The following IGSF23 variants were observed in gnomAD, a reference collection of about 807,000 sequenced individuals.
The protein encoded by IGSF23 is immunoglobulin superfamily member 23, also known as immunoglobulin superfamily, member 23.
Under a neutral mutation model 17.8 loss-of-function variants are expected in IGSF23, and 14 were observed. The observed-to-expected ratio is 0.79, with a 90% CI of 0.52 to 1.23. The LOEUF (loss-of-function observed/expected upper bound fraction) is 1.23. Ranked by LOEUF, IGSF23 falls within the 50% of genes most tolerant of loss-of-function variation. The probability of loss-of-function intolerance (pLI) is 0.00; values close to 1 mark genes in which losing one functional copy is unlikely to be tolerated. For synonymous variants in IGSF23, 85 were observed against 92.5 expected (o/e 0.92, Z 0.46); for missense variants, 214 against 241.7 (o/e 0.89, Z 0.76).
At chr19:44,629,126 C>G (rs920909568) in intron 3 of IGSF23, among the ~76,000 whole-genome samples, 1 of 152,150 alleles carries the variant, frequency 6.6e-6, no homozygotes, top group East Asian at 1.9e-4. Context: ...TTGCATAAGG[C>G]CTTGTAGGCT....
intron 1 of IGSF23, among the ~76,000 whole-genome samples, chr19:44,615,145 C>T (rs559817070): frequency 4.6e-5 from 7 of 151,638 alleles, no homozygotes; most frequent in African/African-American, 1.5e-4. Flanking sequence ...AAAAATTAGC[C>T]AGGCCTGGTG....
At chr19:44,620,142 G>A (rs1462951045) in intron 1 of IGSF23, among the ~76,000 whole-genome samples, 1 of 151,858 alleles carries the variant, frequency 6.6e-6, no homozygotes, top group Non-Finnish European at 1.5e-5. Context: ...AGTGGCAGGC[G>A]CCTGTAATCC....
Position 44,635,007 on chromosome 19 carries a change from C to CG in IGSF23, c.546-387dup, listed in dbSNP as rs577881455. ...CTGCTGTAACAAAAATGCTACAGAC[C>CG]GGGGGGGCTTAAACAACAAAAATTT... On this transcript the variant is annotated intron_variant, in intron 3 of 4. Transcript: ENST00000402988. 3.6e-3 allele frequency among the ~76,000 whole-genome samples: 548 copies of CG among 151,916 alleles called. 2 individuals are homozygous for CG. The highest frequency in any genetic ancestry group is 6.8e-3 in the Middle Eastern group (2 of 294).
intron 1 of IGSF23, among the ~76,000 whole-genome samples, chr19:44,621,551 C>T (rs1412729470): frequency 2.0e-5 from 3 of 151,644 alleles, no homozygotes; most frequent in Non-Finnish European, 2.9e-5. Flanking sequence ...ACTTTGAGCC[C>T]GGGAGGTGGA....
chr19:44,626,633 C>A (rs1335855808), intron 2 of IGSF23, among the ~76,000 whole-genome samples: 1 of 152,156 alleles, frequency 6.6e-6, no homozygotes, highest in Non-Finnish European at 1.5e-5. Flanking sequence ...TACAGTGGCT[C>A]ATTCCTGTAA....
intron 3 of IGSF23, among the ~76,000 whole-genome samples, chr19:44,635,008 G>C (rs957060776): frequency 2.0e-5 from 3 of 150,882 alleles, no homozygotes; most frequent in Non-Finnish European, 3.0e-5. Flanking sequence ...GCTACAGACC[G>C]GGGGGGCTTA....
chr19:44,627,235 G>T (rs1334478856), intron 2 of IGSF23, among the ~76,000 whole-genome samples, 185 bp from the exon 3 acceptor site: 1 of 152,206 alleles, frequency 6.6e-6, no homozygotes, highest in African/African-American at 2.4e-5. Context: ...GCTTCCATGT[G>T]GTAGGAAGGT....
chr19:44,628,908 G>C (rs1310625228), intron 3 of IGSF23, among the ~76,000 whole-genome samples: 2 of 152,148 alleles, frequency 1.3e-5, no homozygotes, highest in Non-Finnish European at 2.9e-5. Flanking sequence ...TTGAACAAAG[G>C]GAGGGAGTGG....
Position 44,613,669 on chromosome 19 carries a change from C to T in IGSF23, c.24C>T (p.Pro8=), listed in dbSNP as rs1972300618. 6.5e-7 allele frequency: 1 copy of T among 1,549,618 alleles called. No individual in the cohort carries two copies. The highest frequency in any genetic ancestry group is 1.2e-5 in the South Asian group (1 of 84,000). MRAKPQS[P]LPRNPVPAWS... ...GAATGAGAGCAAAACCTCAGAGCCC[C>T]CTTCCCAGGAACCCTGTCCCAGCCT... Residue 8 remains proline, a synonymous_variant, in exon 1 of 5, where the codon CCC becomes CCT. Transcript: ENST00000402988.
intron 3 of IGSF23, 106 bp from the exon 4 acceptor site, chr19:44,635,295 T>G: frequency 1.2e-6 from 1 of 859,246 alleles, no homozygotes; most frequent in Non-Finnish European, 1.8e-6. Flanking sequence ...ATTGGAGGGT[T>G]AGGACTACAT....
chr19:44,615,615 CTCCA>C (rs1231911315), intron 1 of IGSF23, among the ~76,000 whole-genome samples: 1 of 148,732 alleles, frequency 6.7e-6, no homozygotes, highest in Non-Finnish European at 1.5e-5. Context: ...AAGAGCGAAA[CTCCA>C]TCTTTAAAAA....
At chr19:44,625,305 G>T (rs112033051) in intron 2 of IGSF23, among the ~76,000 whole-genome samples, 2,413 of 152,264 alleles carry the variant, frequency 0.016, 67 homozygotes, top group African/African-American at 0.054. Context: ...ACTAATGAGT[G>T]CTCAATAACC....
intron 2 of IGSF23, among the ~76,000 whole-genome samples, chr19:44,626,276 T>C (rs555626582): frequency 1.4e-4 from 22 of 152,258 alleles, no homozygotes; most frequent in Admixed American, 1.2e-3. Flanking sequence ...TCAGGGCTGA[T>C]GCACTGGGGG....
chr19:44,620,297 G>A (rs1354047490), intron 1 of IGSF23, among the ~76,000 whole-genome samples: 1 of 151,310 alleles, frequency 6.6e-6, no homozygotes, highest in Non-Finnish European at 1.5e-5. Flanking sequence ...TTTATGGACC[G>A]CTGAGGTTCA....
chr19:44,631,412 AC>A (rs1972763451), intron 3 of IGSF23, among the ~76,000 whole-genome samples: 1 of 151,886 alleles, frequency 6.6e-6, no homozygotes, highest in Non-Finnish European at 1.5e-5. Flanking sequence ...ACATGGTAAA[AC>A]CCCATCTCTA....
chr19:44,624,899 CAA>C (rs71171273), intron 2 of IGSF23, among the ~76,000 whole-genome samples: 3 of 87,748 alleles, frequency 3.4e-5, no homozygotes, highest in African/African-American at 1.7e-4. Flanking sequence ...CTGTCTCTAC[CAA>C]AAAAAAAAAA....
chr19:44,620,213 G>A (rs1727719), intron 1 of IGSF23, among the ~76,000 whole-genome samples: 38,861 of 151,852 alleles, frequency 0.26, 4,943 homozygotes, highest in East Asian at 0.31. Flanking sequence ...AGGTTGCAAT[G>A]AGCCAAGACC....
At chr19:44,626,009 C>CT (rs150559633) in intron 2 of IGSF23, among the ~76,000 whole-genome samples, 1,577 of 152,138 alleles carry the variant, frequency 0.01, 33 homozygotes, top group African/African-American at 0.036. Context: ...ATTAAACCTC[C>CT]TTTTTTTTAA....
chr19:44,620,929 G>A (rs1972504428), intron 1 of IGSF23: 1 of 152,138 alleles, frequency 6.6e-6, no homozygotes, highest in South Asian at 2.1e-4. Flanking sequence ...GTGACTGTGA[G>A]GAGTAAGTGA....
Sources: gnomAD v4.1 joint callset for allele counts (sites outside exome capture counted in the v4.1 genomes callset) on GRCh38, gnomAD v4.1.1 for gene constraint, MANE v1.5 for transcripts, NCBI Gene and HGNC (gene_info 2026-07-23, HGNC 2026-07-21) for gene names.